ACYP2: variants seen among roughly 807,000 people sequenced by gnomAD.
ACYP2 encodes acylphosphatase 2, also known as acylphosphatase-2.
Under a neutral mutation model 11.2 loss-of-function variants are expected in ACYP2, and 12 were observed. The observed-to-expected ratio is 1.08, with a 90% confidence interval of 0.69 to 1.74. The LOEUF (loss-of-function observed/expected upper bound fraction) is 1.74. ACYP2 is among the 40% of genes most tolerant of loss of function. The probability of loss-of-function intolerance (pLI) is 0.00; values close to 1 mark genes in which losing one functional copy is unlikely to be tolerated. For synonymous variants in ACYP2, 43 were observed against 32.2 expected (o/e 1.33, Z -1.13); for missense variants, 134 against 101.9 (o/e 1.31, Z -1.35).
At chr2:54,095,765 G>C (rs1409130841) in intron 4 of ACYP2, among the ~76,000 whole-genome samples, 4 of 133,378 alleles carry the variant, frequency 3.0e-5, no homozygotes, top group Admixed American at 7.1e-5. Context: ...CCTCCCGGAC[G>C]GGGCGGCTGG....
rs549631420 is a variant in ACYP2, at chr2:54,141,457, A to G, written c.404+2709A>G. Among the ~76,000 whole-genome samples, 317 of 152,318 alleles carry G rather than the reference A, an allele frequency of 2.1e-3. 2 individuals carry two copies. The highest frequency in any genetic ancestry group is 7.2e-3 in the African/African-American group (298 of 41,578). Reference sequence around the variant, plus strand: ...TATTTAAAAGATGAGATATTGGACCAACTATTTTCTACCAGATGAATAGCC... The same window carrying G: ...TATTTAAAAGATGAGATATTGGACCGACTATTTTCTACCAGATGAATAGCC... On this transcript the variant is annotated intron_variant, in intron 6 of 6. Coordinates refer to ENST00000607452, the MANE Select transcript of ACYP2 (RefSeq NM_001320586.2).
intron 2 of ACYP2, among the ~76,000 whole-genome samples, chr2:54,044,342 C>T (rs1034924189): frequency 3.9e-5 from 6 of 152,038 alleles, no homozygotes; most frequent in African/African-American, 1.5e-4. Flanking sequence ...TGCCTGTAAT[C>T]CCAGCACTTT....
intron 6 of ACYP2, among the ~76,000 whole-genome samples, chr2:54,272,034 CA>C (rs1472720595): frequency 6.6e-6 from 1 of 152,166 alleles, no homozygotes; most frequent in Non-Finnish European, 1.5e-5. Context: ...ATGTTACTTT[CA>C]GTTCCTCAAC....
intron 4 of ACYP2, chr2:54,080,335 C>T (rs1258343677): frequency 2.6e-5 from 4 of 152,184 alleles, no homozygotes; most frequent in African/African-American, 9.7e-5. Context: ...CTGCCTGACA[C>T]ATCTCTATGG....
At chr2:54,201,109 T>TC (rs1439368972) in intron 6 of ACYP2, among the ~76,000 whole-genome samples, 79 of 69,522 alleles carry the variant, frequency 1.1e-3, no homozygotes, top group African/African-American at 3.5e-3. Flanking sequence ...TCTCTCTCTC[T>TC]TTTTTTTTTT....
At chr2:54,031,825 G>T (rs1334589558) in intron 2 of ACYP2, among the ~76,000 whole-genome samples, 1 of 152,148 alleles carries the variant, frequency 6.6e-6, no homozygotes, top group East Asian at 1.9e-4. Flanking sequence ...ATTCCAACTG[G>T]TGTGAGATGG....
intron 2 of ACYP2, among the ~76,000 whole-genome samples, chr2:53,995,317 T>C: frequency 6.6e-6 from 1 of 152,152 alleles, no homozygotes; most frequent in East Asian, 1.9e-4. Flanking sequence ...AGAGAAAAGA[T>C]TTCAGCATGT....
intron 6 of ACYP2, among the ~76,000 whole-genome samples, chr2:54,159,572 A>T (rs184303080): frequency 6.6e-5 from 10 of 152,158 alleles, no homozygotes; most frequent in Admixed American, 6.5e-4. Flanking sequence ...AATGTTTATT[A>T]TGTGTATTTC....
At chr2:53,980,041 G>T (rs1436391039) in intron 2 of ACYP2, among the ~76,000 whole-genome samples, 2 of 151,864 alleles carry the variant, frequency 1.3e-5, no homozygotes, top group African/African-American at 4.8e-5. Context: ...GAGTCAAAAA[G>T]TTAAAATTTA....
chr2:54,109,391 G>A (rs1232142314), intron 4 of ACYP2, among the ~76,000 whole-genome samples: 1 of 151,998 alleles, frequency 6.6e-6, no homozygotes, highest in African/African-American at 2.4e-5. Flanking sequence ...ATGACACAGT[G>A]GACTTTGGAT....
intron 4 of ACYP2, 101 bp from the exon 1 acceptor site, chr2:54,115,505 GGCTGCCCTC>G (rs1679698601): frequency 7.0e-7 from 1 of 1,436,078 alleles, no homozygotes; most frequent in Admixed American, 2.7e-5. Context: ...TGGCGTCCCC[GGCTGCCCTC>G]GCTCCCAGGC....
Position 54,194,161 on chromosome 2 carries a change from T to G in ACYP2, c.404+55413T>G, listed in dbSNP as rs193168087. 3.3e-5 allele frequency among the ~76,000 whole-genome samples: 5 copies of G among 152,286 alleles called. No homozygotes were observed. The East Asian group carries it at 9.6e-4, about 29-fold the overall frequency. ...TCAAGTGATTTCTCCTGCCTCAGCC[T>G]CCCAAGTAGCTGGTACCACAGGGGT... On this transcript the variant is annotated intron_variant, in intron 6 of 6. Transcript: ENST00000607452.
chr2:54,033,309 G>T (rs568061505), intron 2 of ACYP2, among the ~76,000 whole-genome samples: 1 of 151,172 alleles, frequency 6.6e-6, no homozygotes, highest in African/African-American at 2.4e-5. Flanking sequence ...GCTATCTTCC[G>T]ACCTCACCCT....
chr2:53,994,045 A>T lies in ACYP2; in HGVS notation c.62+20235A>T, dbSNP rs376190277. On this transcript the variant is annotated intron_variant, in intron 2 of 6. Coordinates refer to ENST00000607452, the MANE Select transcript of ACYP2 (RefSeq NM_001320586.2). ...CTAAAAATCGTACAAAATATTAGCCAGGCGGCTGGGCGTAGTGGCTCACGC... is the reference window on the plus strand; with the variant it reads ...CTAAAAATCGTACAAAATATTAGCCTGGCGGCTGGGCGTAGTGGCTCACGC... 3.7e-3 allele frequency among the ~76,000 whole-genome samples: 561 copies of T among 152,106 alleles called. 2 individuals carry two copies. Among genetic ancestry groups the T allele is most frequent in the Middle Eastern group, 0.031 (9 of 292 alleles).
intron 6 of ACYP2, among the ~76,000 whole-genome samples, chr2:54,259,763 A>G (rs1395412749): frequency 6.6e-6 from 1 of 152,254 alleles, no homozygotes; most frequent in Non-Finnish European, 1.5e-5. Flanking sequence ...AAATGGGATC[A>G]TGACAAGAGT....
intron 4 of ACYP2, among the ~76,000 whole-genome samples, chr2:54,070,661 C>T (rs1676987901): frequency 6.6e-6 from 1 of 151,850 alleles, no homozygotes; most frequent in African/African-American, 2.4e-5. Context: ...ACTTTGTAAG[C>T]TATGCTCTAA....
At chr2:54,021,978 AT>A (rs1379862231) in intron 2 of ACYP2, among the ~76,000 whole-genome samples, 8 of 152,274 alleles carry the variant, frequency 5.3e-5, no homozygotes, top group African/African-American at 1.4e-4. Context: ...AAGTAAAAAA[AT>A]AAAAAAATGA....
At chr2:54,071,679 G>A (rs779531183) in intron 4 of ACYP2, among the ~76,000 whole-genome samples, 1 of 152,080 alleles carries the variant, frequency 6.6e-6, no homozygotes, top group Non-Finnish European at 1.5e-5. Flanking sequence ...GTTGGTCTAA[G>A]ATCAATTGTA....
chr2:54,278,467 G>C (rs1048945813), intron 6 of ACYP2, among the ~76,000 whole-genome samples: 1 of 152,194 alleles, frequency 6.6e-6, no homozygotes, highest in South Asian at 2.1e-4. Context: ...TGTGACAATA[G>C]ATTTTATCTG....
Sources: gnomAD v4.1 joint callset for allele counts (sites outside exome capture counted in the v4.1 genomes callset) on GRCh38, gnomAD v4.1.1 for gene constraint, MANE v1.5 for transcripts, NCBI Gene and HGNC (gene_info 2026-07-23, HGNC 2026-07-21) for gene names.